The following DNHD1 variants were observed in gnomAD, a reference collection of about 807,000 sequenced individuals.
DNHD1 encodes the protein dynein heavy chain domain-containing protein 1.
In DNHD1, 383 loss-of-function variants were observed where a neutral mutation model predicts 458.1. The ratio of observed to expected loss-of-function variants is 0.84; its 90% confidence interval spans 0.77 to 0.91. The LOEUF is 0.91. Ranked by LOEUF, DNHD1 falls within the 40% of genes least tolerant of loss-of-function variation. The pLI is 0.00. For synonymous variants in DNHD1, 2,203 were observed against 2,376.9 expected (o/e 0.93, Z 2.13); for missense variants, 5,336 against 5,866.1 (o/e 0.91, Z 2.95).
intron 6 of DNHD1, 60 bp from the exon 7 acceptor site, chr11:6,511,213 C>T: frequency 6.3e-7 from 1 of 1,591,992 alleles, no homozygotes; most frequent in Non-Finnish European, 8.6e-7. Context: ...GAGAAGAGGT[C>T]AAAGGTATCC....
chr11:6,556,601 G>A (rs1044569894), intron 24 of DNHD1, 82 bp from the exon 25 acceptor site: 5 of 1,349,078 alleles, frequency 3.7e-6, no homozygotes, highest in African/African-American at 1.5e-5. Context: ...TTAGAACCGT[G>A]TGTGGCAGGA....
chr11:6,564,511 G>A lies in DNHD1; in HGVS notation c.10463G>A (p.Arg3488Gln), dbSNP rs1301232385. Residue 3488 changes from arginine to glutamine, a missense_variant, in exon 32 of 43, where the codon CGG becomes CAG. Coordinates refer to ENST00000254579, the MANE Select transcript of DNHD1 (RefSeq NM_144666.3). ...GATGATGTGGCACAGGCACTGAAGC[G>A]GAAGCAAAAATCTGTCAGCATACCA... Reference protein sequence around the residue: ...GPDDVAQALKRKQKSVSIPPK... With the variant: ...GPDDVAQALKQKQKSVSIPPK... The A allele has an allele frequency of 1.3e-5, 20 of 1,551,646 alleles. No individual in the cohort carries two copies. The highest frequency in any genetic ancestry group is 2.4e-5 in the South Asian group (2 of 84,058).
chr11:6,533,567 G>T, intron 13 of DNHD1, 114 bp from the exon 14 acceptor site: 2 of 1,312,764 alleles, frequency 1.5e-6, no homozygotes, highest in Non-Finnish European at 2.0e-6. Flanking sequence ...TGATTACAAG[G>T]CTGCAACTGG....
intron 28 of DNHD1, among the ~76,000 whole-genome samples, chr11:6,562,151 GAGGTAGAATTGAAAGGTCTCAA>G (rs1303350884): frequency 6.6e-6 from 1 of 152,162 alleles, no homozygotes; most frequent in Non-Finnish European, 1.5e-5. Flanking sequence ...AGGCATTTAG[GAGGTAGAATTGAAAGGTCTCAA>G]AGATGGGCTG....
At position 6,519,505 on chromosome 11, in the gene DNHD1, C is replaced by A. The variant is rs936721635; in HGVS notation, c.1393-95C>A. 1.0e-4 allele frequency: 145 copies of A among 1,418,308 alleles called. No individual in the cohort carries two copies. In the East Asian group the frequency reaches 3.2e-3, roughly 32 times the overall value. 87.9% of individuals were successfully genotyped at this position (1,418,308 alleles called of 1,614,324 possible). On this transcript the variant is annotated intron_variant, in intron 7 of 42. Transcript: ENST00000254579. ...CCATATGTATATCTAGGTTCTAGGT[C>A]CCAGACTCCAAGACCTGAGAGTTTG... is the stretch of plus-strand genomic sequence containing the variant.
chr11:6,566,611 G>T lies in DNHD1; in HGVS notation c.11231G>T (p.Gly3744Val). Residue 3744 changes from glycine to valine, a missense_variant, in exon 35 of 43, where the codon GGG becomes GTG. Transcript: ENST00000254579. ...GTGCTAGGTTGTGAACTGCTAAAGG[G>T]GCTGAATGTGTTGGATCTGGGCCTG... ...EKVLGCELLK[G>V]LNVLDLGLNM... The T allele has an allele frequency of 6.2e-7, 1 of 1,613,848 alleles. No homozygotes were observed. The highest frequency in any genetic ancestry group is 8.5e-7 in the Non-Finnish European group (1 of 1,179,856).
rs1213387874 is a variant in DNHD1 at position 6,571,408 on chromosome 11, C to T, written c.13896C>T (p.Asn4632=). 2 of 1,600,206 alleles carry T rather than the reference C, an allele frequency of 1.2e-6. No individual in the cohort carries two copies. The highest frequency in any genetic ancestry group is 1.7e-5 in the Admixed American group (1 of 59,238). ...LQYKRLEMNS[N]PLHFRVENGP... ...ATAAACGTCTGGAGATGAACAGCAACCCTCTGCACTTCAGGGTATCTTCGC... is the reference window on the plus strand; with the variant it reads ...ATAAACGTCTGGAGATGAACAGCAATCCTCTGCACTTCAGGGTATCTTCGC... The change falls in exon 42 of 43, where the codon AAC becomes AAT. Residue 4632 remains asparagine, a synonymous_variant. Transcript: ENST00000254579. This position sits in a 1 kb window ranked among gnomAD's most constrained non-coding sequence, Gnocchi z 5.0.
intron 14 of DNHD1, 200 bp downstream of exon 14, chr11:6,534,373 G>C: frequency 3.3e-6 from 2 of 614,164 alleles, no homozygotes; most frequent in Non-Finnish European, 5.5e-6. Flanking sequence ...TGTGCTTAGG[G>C]TGGGGGTATG....
At chr11:6,535,783 C>T (rs1230793554) in intron 14 of DNHD1, among the ~76,000 whole-genome samples, 1 of 152,124 alleles carries the variant, frequency 6.6e-6, no homozygotes, top group Non-Finnish European at 1.5e-5. Flanking sequence ...TATTATTTTG[C>T]AACCATCATG....
At chr11:6,506,968 T>C (rs1183170041) in intron 4 of DNHD1, among the ~76,000 whole-genome samples, 2 of 152,178 alleles carry the variant, frequency 1.3e-5, no homozygotes, top group Admixed American at 6.5e-5. Flanking sequence ...GGGGTAGATA[T>C]TGAGTTTAGT....
Position 6,558,983 on chromosome 11 carries a change from A to C in DNHD1, c.9293A>C (p.His3098Pro), listed in dbSNP as rs1217660091. Reference sequence around the variant, plus strand: ...GCTCTTATCCACCTTTCGGCCACCCACTACCATGAGCACCTGTGCCCTGCA... The same window carrying C: ...GCTCTTATCCACCTTTCGGCCACCCCCTACCATGAGCACCTGTGCCCTGCA... ...AMALIHLSATHYHEHLCPALP... is the reference protein window; with the variant it reads ...AMALIHLSATPYHEHLCPALP... The change falls in exon 27 of 43, where the codon CAC (histidine) becomes CCC (proline). Residue 3098 changes from histidine (H) to proline (P), a missense_variant. Transcript: ENST00000254579. 6.4e-6 allele frequency: 10 copies of C among 1,551,508 alleles called. No individual in the cohort carries two copies. The Admixed American group carries it at 1.2e-4, about 18-fold the overall frequency.
Position 6,570,708 on chromosome 11 carries a change from AG to A in DNHD1, c.13199del (p.Gly4400AlafsTer15). 1 of 1,611,106 alleles carries A rather than the reference AG, an allele frequency of 6.2e-7. No homozygotes were observed. The highest frequency in any genetic ancestry group is 8.5e-7 in the Non-Finnish European group (1 of 1,178,728). On this transcript the variant is annotated frameshift_variant, in exon 42 of 43. Transcript: ENST00000254579. LOFTEE classifies it high-confidence loss of function. The part of the protein sequence containing the change: ...PPEPRLCGLS[E>X]GPQAWLLRRQ... ...GAACCCCGGCTCTGCGGACTGAGTGAGGGCCCCCAAGCCTGGCTGTTGCGAC... is the reference window on the plus strand; with the variant it reads ...GAACCCCGGCTCTGCGGACTGAGTGAGGCCCCCAAGCCTGGCTGTTGCGAC...
In DNHD1 at chr11:6,570,751, CT is replaced by C. The variant is rs1164598028; in HGVS notation, c.13241del (p.Leu4414Ter). On this transcript the variant is annotated frameshift_variant, in exon 42 of 43. Transcript: ENST00000254579. LOFTEE classifies it high-confidence loss of function. ...TGTTGCGACGCCAGAGTCGCGCTCT[CT>C]TGAGTGCGCTGCAGCGGAGTTCACC... is the stretch of plus-strand genomic sequence containing the variant. ...WLLRRQSRALLSALQRSSPVW... is the reference protein window; with the variant it reads ...WLLRRQSRALXSALQRSSPVW... 2 of 1,612,164 alleles carry C rather than the reference CT, an allele frequency of 1.2e-6. No individual in the cohort carries two copies. The highest frequency in any genetic ancestry group is 2.2e-5 in the East Asian group (1 of 44,770).
At chr11:6,563,171 T>A (rs1346964914) in intron 29 of DNHD1, 40 bp downstream of exon 29, 1 of 1,551,290 alleles carries the variant, frequency 6.4e-7, no homozygotes, top group Admixed American at 2.0e-5. Context: ...TGCTCCTCTC[T>A]CAAAAGAGGG....
intron 17 of DNHD1, 59 bp downstream of exon 17, chr11:6,539,372 C>A: frequency 1.5e-6 from 2 of 1,299,174 alleles, no homozygotes; most frequent in Middle Eastern, 2.1e-4. Context: ...TGTAATAAAG[C>A]CAGTCAAGGG....
intron 10 of DNHD1, 102 bp from the exon 11 acceptor site, chr11:6,528,404 GGTGTGTGTGTGTGTGT>G: frequency 3.4e-6 from 3 of 880,198 alleles, no homozygotes; most frequent in South Asian, 1.9e-5. Flanking sequence ...GCAGCGAATG[GGTGTGTGTGTGTGTGT>G]GTGTGTGTGT....
In DNHD1 at chr11:6,519,873, T is replaced by A. The variant is rs1355878100; in HGVS notation, c.1647+19T>A. The A allele has an allele frequency of 6.2e-6, 10 of 1,612,642 alleles. No individual in the cohort carries two copies. The highest frequency in any genetic ancestry group is 8.5e-6 in the Non-Finnish European group (10 of 1,179,754). On this transcript the variant is annotated intron_variant, in intron 8 of 42. Transcript: ENST00000254579. ...CCTTCAAGTGAGGTGGTGGGTGGCA[T>A]GTGTGGAGGTGGCAGGCAGTCCAGG...
At position 6,546,311 on chromosome 11, in the gene DNHD1, A is replaced by G; in HGVS notation, c.5372A>G (p.Glu1791Gly). ...CAGCTCCTTGGCAGTAGCTTCTTTG[A>G]AAAACATCACGTGTCTGTGCGCCTT... ...QPQLLGSSFF[E>G]KHHVSVRLGY... The change falls in exon 21 of 43, where the codon GAA (glutamate) becomes GGA (glycine). Residue 1791 changes from glutamate to glycine, a missense_variant. By Grantham distance (98) the Glu-to-Gly change is moderately conservative. Coordinates refer to ENST00000254579, the MANE Select transcript of DNHD1 (RefSeq NM_144666.3). 6.4e-7 allele frequency: 1 copy of G among 1,552,388 alleles called. No individual in the cohort carries two copies. Among genetic ancestry groups the G allele is most frequent in the Non-Finnish European group, 8.7e-7 (1 of 1,147,134 alleles).
intron 13 of DNHD1, 124 bp downstream of exon 13, chr11:6,533,308 C>T: frequency 9.7e-7 from 1 of 1,025,748 alleles, no homozygotes; most frequent in Non-Finnish European, 1.4e-6. Flanking sequence ...ACTGTGCTCG[C>T]CTAAGAGATC....
Sources: gnomAD v4.1 joint callset for allele counts (sites outside exome capture counted in the v4.1 genomes callset) on GRCh38, gnomAD v4.1.1 for gene constraint, Gnocchi (gnomAD v3.1) non-coding constraint, MANE v1.5 for transcripts, NCBI Gene and HGNC (gene_info 2026-07-23, HGNC 2026-07-21) for gene names.